The following BTLA variants were observed in gnomAD, a reference collection of about 807,000 sequenced individuals.
BTLA encodes the protein B and T lymphocyte associated.
BTLA carries 11 observed loss-of-function variants against 25.0 expected under a neutral mutation model. The observed-to-expected ratio is 0.44, with a 90% CI of 0.28 to 0.73. The LOEUF (loss-of-function observed/expected upper bound fraction) is 0.73, where lower values mean the gene tolerates loss of function less well. BTLA is among the 30% of genes least tolerant of loss of function. BTLA has a pLI of 0.15. For missense variants in BTLA, 282 were observed against 332.8 expected, an observed-to-expected ratio of 0.85 and a Z score of 1.19; for synonymous variants, 104 against 119.8, an observed-to-expected ratio of 0.87 and a Z score of 0.86.
rs1004102291 is a variant in BTLA, at chr3:112,496,448, T to A, written c.88+2823A>T. ...ACATTTTTTCCAGCCTTATTATATA[T>A]GCAGCCTCACTCCTAGGAACAAGGA... On this transcript the variant is annotated intron_variant, in intron 1 of 4. Coordinates refer to ENST00000334529, the MANE Select transcript of BTLA (RefSeq NM_181780.4). 2.0e-5 allele frequency among the ~76,000 whole-genome samples: 3 copies of A among 152,308 alleles called. No individual in the cohort carries two copies. The Middle Eastern group carries it at 0.01, about 518-fold the overall frequency.
At chr3:112,484,874 G>A (rs531666274) in intron 1 of BTLA, among the ~76,000 whole-genome samples, 1 of 152,176 alleles carries the variant, frequency 6.6e-6, no homozygotes, top group South Asian at 2.1e-4. Flanking sequence ...CTTGAATGGA[G>A]GAATGAACCG....
intron 4 of BTLA, among the ~76,000 whole-genome samples, 185 bp from the exon 5 acceptor site, chr3:112,466,568 G>T (rs185693709): frequency 6.6e-6 from 1 of 152,132 alleles, no homozygotes; most frequent in Non-Finnish European, 1.5e-5. Flanking sequence ...AGGATGAAAG[G>T]CTTGAGAATC....
At chr3:112,496,012 T>C (rs552781525) in intron 1 of BTLA, among the ~76,000 whole-genome samples, 1 of 152,228 alleles carries the variant, frequency 6.6e-6, no homozygotes, top group Non-Finnish European at 1.5e-5. Context: ...TTGCTTTTTT[T>C]AAAAATCACA....
At chr3:112,478,743 G>A (rs1353571439) in intron 2 of BTLA, among the ~76,000 whole-genome samples, 7 of 152,122 alleles carry the variant, frequency 4.6e-5, no homozygotes, top group African/African-American at 1.4e-4. Flanking sequence ...CATTGAATAT[G>A]ATGTTGGCTA....
chr3:112,483,991 C>A lies in BTLA; in HGVS notation c.89-4222G>T, dbSNP rs144856422. Reference sequence around the variant, plus strand: ...TCAAAAAAAAAAAAAAAGATACAAACAACTTTGCATGGGTCTGCAGAAGGT... The same window carrying A: ...TCAAAAAAAAAAAAAAAGATACAAAAAACTTTGCATGGGTCTGCAGAAGGT... On this transcript the variant is annotated intron_variant, in intron 1 of 4. Transcript: ENST00000334529. 8.2e-3 allele frequency among the ~76,000 whole-genome samples: 1,243 copies of A among 151,310 alleles called. 45 individuals are homozygous for A. The highest frequency in any genetic ancestry group is 0.061 in the East Asian group (313 of 5,138).
intron 1 of BTLA, among the ~76,000 whole-genome samples, chr3:112,493,040 C>T (rs2082388221): frequency 6.6e-6 from 1 of 152,144 alleles, no homozygotes; most frequent in Non-Finnish European, 1.5e-5. Flanking sequence ...GCCACTTCTT[C>T]CATTGAGATA....
At chr3:112,471,465 C>T (rs942385400) in intron 2 of BTLA, 110 bp from the exon 3 acceptor site, 10 of 1,176,216 alleles carry the variant, frequency 8.5e-6, no homozygotes, top group African/African-American at 7.7e-5. Context: ...CAGGCCAATG[C>T]CTCCATTTCC....
At chr3:112,479,414 T>C in intron 2 of BTLA, 41 bp downstream of exon 2, 2 of 1,536,242 alleles carry the variant, frequency 1.3e-6, no homozygotes, top group Non-Finnish European at 8.8e-7. Context: ...CTGGAAACAT[T>C]ATAAGAAAAA....
chr3:112,487,103 A>C (rs1184207124), intron 1 of BTLA, among the ~76,000 whole-genome samples: 3 of 152,244 alleles, frequency 2.0e-5, no homozygotes, highest in Non-Finnish European at 4.4e-5. Flanking sequence ...AAGTTCTCTG[A>C]GTTAACTTGC....
intron 1 of BTLA, among the ~76,000 whole-genome samples, chr3:112,487,259 A>G (rs1024923771): frequency 6.6e-6 from 1 of 152,184 alleles, no homozygotes; most frequent in Non-Finnish European, 1.5e-5. Flanking sequence ...CACCTCTGAC[A>G]TTGTTCATGT....
At chr3:112,487,488 G>A (rs1376295879) in intron 1 of BTLA, among the ~76,000 whole-genome samples, 5 of 152,156 alleles carry the variant, frequency 3.3e-5, no homozygotes, top group African/African-American at 1.2e-4. Flanking sequence ...AGGAGGCTGA[G>A]GCAGGAGAAT....
rs1457670327 is a variant in BTLA at position 112,465,346 on chromosome 3, C to A, written c.*762G>T. ...TCAGATGCCCATAAGTATATTAATT[C>A]AGCAGCATTATGTCACATTCCTATC... On this transcript the variant is annotated 3_prime_UTR_variant, in exon 5 of 5. Coordinates refer to ENST00000334529, the MANE Select transcript of BTLA (RefSeq NM_181780.4). 6.6e-6 allele frequency: 1 copy of A among 152,622 alleles called. No homozygotes were observed. The highest frequency in any genetic ancestry group is 6.5e-5 in the Admixed American group (1 of 15,280). The allele number at this position is 152,622 out of a possible 1,614,324, so 9.5% of individuals were successfully genotyped here.
chr3:112,472,835 A>T (rs2082270086), intron 2 of BTLA, among the ~76,000 whole-genome samples: 1 of 152,084 alleles, frequency 6.6e-6, no homozygotes, highest in South Asian at 2.1e-4. Context: ...AATGTTGTCT[A>T]TTGATGTTGC....
At chr3:112,497,250 T>C (rs1330339819) in intron 1 of BTLA, among the ~76,000 whole-genome samples, 4 of 152,228 alleles carry the variant, frequency 2.6e-5, no homozygotes, top group African/African-American at 9.6e-5. Context: ...GCACTTACTA[T>C]GCGAGGCACT....
intron 1 of BTLA, among the ~76,000 whole-genome samples, chr3:112,498,644 A>G (rs1336254301): frequency 1.4e-5 from 2 of 147,434 alleles, no homozygotes; most frequent in Non-Finnish European, 3.0e-5. Context: ...GCAGAATCCA[A>G]CTTATTTTCT....
intron 1 of BTLA, among the ~76,000 whole-genome samples, chr3:112,497,006 G>T (rs185004848): frequency 5.3e-4 from 80 of 152,238 alleles, no homozygotes; most frequent in East Asian, 4.4e-3. Context: ...GAGACTAAAG[G>T]CTAGGGCCAT....
At chr3:112,471,684 T>G (rs2082262914) in intron 2 of BTLA, among the ~76,000 whole-genome samples, 1 of 152,204 alleles carries the variant, frequency 6.6e-6, no homozygotes, top group African/African-American at 2.4e-5. Context: ...TATTCATCAC[T>G]TAAGTAGGAA....
At chr3:112,483,690 G>A (rs1227054812) in intron 1 of BTLA, among the ~76,000 whole-genome samples, 1 of 151,806 alleles carries the variant, frequency 6.6e-6, no homozygotes, top group Non-Finnish European at 1.5e-5. Context: ...AAACAAGGCC[G>A]GGCATGGTGG....
intron 2 of BTLA, among the ~76,000 whole-genome samples, chr3:112,475,599 C>G (rs2082284928): frequency 6.6e-6 from 1 of 152,160 alleles, no homozygotes; most frequent in Non-Finnish European, 1.5e-5. Flanking sequence ...AATTGCAATG[C>G]TACTTTTGTG....
Sources: allele counts gnomAD v4.1 joint callset (sites outside exome capture counted in the v4.1 genomes callset), GRCh38; gene constraint gnomAD v4.1.1; transcripts MANE v1.5; gene names NCBI Gene and HGNC (gene_info 2026-07-23, HGNC 2026-07-21).